Variants in CABLES1 observed in about 807,000 individuals in gnomAD.
CABLES1 encodes the protein Cdk5 and Abl enzyme substrate 1, also known as CDK5 and ABL1 enzyme substrate 1.
CABLES1 carries 36 observed loss-of-function variants against 57.8 expected under a neutral mutation model. The ratio of observed to expected loss-of-function variants is 0.62; its 90% CI spans 0.48 to 0.82. The LOEUF (loss-of-function observed/expected upper bound fraction) is 0.82. CABLES1 is among the 40% of genes least tolerant of loss of function. The probability of loss-of-function intolerance (pLI) is 0.00; values close to 1 mark genes in which losing one functional copy is unlikely to be tolerated. For missense variants in CABLES1, 767 were observed against 836.6 expected, an observed-to-expected ratio of 0.92 and a Z score of 1.03; for synonymous variants, 374 against 363.0, an observed-to-expected ratio of 1.03 and a Z score of -0.35.
intron 3 of CABLES1, among the ~76,000 whole-genome samples, chr18:23,207,279 G>T (rs529522814): frequency 7.2e-5 from 11 of 152,212 alleles, no homozygotes; most frequent in African/African-American, 2.7e-4. Flanking sequence ...TGGTCAAAGC[G>T]TTGTACAGAG....
chr18:23,151,691 T>C (rs1045467023), intron 1 of CABLES1, among the ~76,000 whole-genome samples: 2 of 151,878 alleles, frequency 1.3e-5, no homozygotes, highest in African/African-American at 2.4e-5. Context: ...CTGTGGCAGG[T>C]TGAGGAAGGC....
intron 4 of CABLES1, 30 bp from the exon 5 acceptor site, chr18:23,234,578 A>AC: frequency 6.5e-7 from 1 of 1,535,578 alleles, no homozygotes; most frequent in Middle Eastern, 1.7e-4. Context: ...ACACAAAAGC[A>AC]TTTTTTTTTC....
At chr18:23,222,029 T>A (rs2047491369) in intron 4 of CABLES1, among the ~76,000 whole-genome samples, 1 of 152,192 alleles carries the variant, frequency 6.6e-6, no homozygotes, top group Non-Finnish European at 1.5e-5. Context: ...ACTGCATAGA[T>A]GTCCAAACGG....
chr18:23,195,917 G>T (rs1006545561), intron 3 of CABLES1, among the ~76,000 whole-genome samples: 1 of 152,082 alleles, frequency 6.6e-6, no homozygotes, highest in African/African-American at 2.4e-5. Context: ...TTTTGTTCAT[G>T]ATCTCTTTAA....
Position 23,259,984 on chromosome 18 carries a change from TC to T in CABLES1, c.*2622del, listed in dbSNP as rs5823380. The stretch of plus-strand genomic sequence containing the variant: ...CTAGCCGGTTCTGCCTGATTCCTTT[TC>T]CCCCGGAGCCAGCCTAGGGGGCCCG... On this transcript the variant is annotated 3_prime_UTR_variant, in exon 10 of 10. Transcript: ENST00000256925. The T allele has an allele frequency of 0.42, 63,213 of 151,706 alleles. 13,712 individuals carry two copies. Among genetic ancestry groups the T allele is most frequent in the East Asian group, 0.67 (3,414 of 5,110 alleles). The allele number at this position is 151,706 out of a possible 1,614,324, so 9.4% of individuals were successfully genotyped here.
chr18:23,183,209 G>A (rs936123729), intron 1 of CABLES1, among the ~76,000 whole-genome samples: 1 of 152,194 alleles, frequency 6.6e-6, no homozygotes, highest in Non-Finnish European at 1.5e-5. Context: ...GCCTCTCCCA[G>A]TGCTTTGTCA....
intron 3 of CABLES1, among the ~76,000 whole-genome samples, chr18:23,205,014 G>A (rs966134966): frequency 2.0e-5 from 3 of 152,126 alleles, no homozygotes; most frequent in Admixed American, 1.3e-4. Flanking sequence ...GAGCCCAGAG[G>A]AGACATCAGT....
chr18:23,156,063 C>T, intron 1 of CABLES1: 1 of 1,310,292 alleles, frequency 7.6e-7, no homozygotes, highest in Non-Finnish European at 1.1e-6. Context: ...GAGGCTCAGC[C>T]TGGAAAAGCG....
chr18:23,156,549 T>A (rs1273103819), intron 1 of CABLES1, among the ~76,000 whole-genome samples: 1 of 152,196 alleles, frequency 6.6e-6, no homozygotes, highest in Non-Finnish European at 1.5e-5. Flanking sequence ...CCCCCAGTAG[T>A]TTGTTTTATA....
In CABLES1 at chr18:23,136,166, G is replaced by A. The variant is rs2046818860; in HGVS notation, c.404G>A (p.Gly135Glu). Residue 135 changes from glycine (G) to glutamate (E), a missense_variant, in exon 1 of 10, where the codon GGG becomes GAG. Gly to Glu is a moderately conservative substitution (Grantham distance 98). Coordinates refer to ENST00000256925, the MANE Select transcript of CABLES1 (RefSeq NM_001100619.3). ...PGTPAAGLAA[G>E]SGPCLPQPSS... is the part of the protein sequence containing the mutation. ...ACGCCGGCTGCGGGGTTAGCCGCTG[G>A]GTCCGGCCCCTGCCTCCCACAGCCC... 1.6e-6 allele frequency: 2 copies of A among 1,216,048 alleles called. No homozygotes were observed. The highest frequency in any genetic ancestry group is 2.0e-6 in the Non-Finnish European group (2 of 978,374). 75.3% of individuals were successfully genotyped at this position (1,216,048 alleles called of 1,614,324 possible). A position where few individuals can be genotyped will look rare whatever the true frequency, so the allele number is the denominator to read the frequency against.
At chr18:23,167,980 A>G (rs1020973660) in intron 1 of CABLES1, among the ~76,000 whole-genome samples, 3 of 152,218 alleles carry the variant, frequency 2.0e-5, no homozygotes, top group African/African-American at 7.2e-5. Context: ...ACGGCTCTCA[A>G]GGTGATGCCA....
At chr18:23,146,004 A>G (rs1427896216) in intron 1 of CABLES1, among the ~76,000 whole-genome samples, 1 of 152,256 alleles carries the variant, frequency 6.6e-6, no homozygotes, top group Non-Finnish European at 1.5e-5. Context: ...TGTAAATCTA[A>G]GTTAGGTTTT....
At chr18:23,152,026 G>A (rs1351851898) in intron 1 of CABLES1, among the ~76,000 whole-genome samples, 1 of 152,172 alleles carries the variant, frequency 6.6e-6, no homozygotes, top group South Asian at 2.1e-4. Context: ...AGACTCCGGG[G>A]TTTCAGGCCT....
At chr18:23,234,728 A>ACCC in intron 5 of CABLES1, 24 bp downstream of exon 5, 1 of 1,593,212 alleles carries the variant, frequency 6.3e-7, no homozygotes, top group Non-Finnish European at 8.6e-7. Flanking sequence ...GCTGCCAGTC[A>ACCC]CCAAGTTGTG....
Position 23,136,190 on chromosome 18 carries a change from C to G in CABLES1, c.428C>G (p.Pro143Arg). The G allele has an allele frequency of 2.4e-6, 3 of 1,244,120 alleles. No individual in the cohort carries two copies. The highest frequency in any genetic ancestry group is 3.0e-6 in the Non-Finnish European group (3 of 996,730). 77.1% of individuals were successfully genotyped at this position (1,244,120 alleles called of 1,614,324 possible). The change falls in exon 1 of 10, where the codon CCC (proline) becomes CGC (arginine). Residue 143 changes from proline (P) to arginine (R), a missense_variant. Physicochemically the swap from Pro to Arg is moderately radical, Grantham distance 103 (BLOSUM62 -2). This residue lies in a region of CABLES1 where 529 missense variants were observed against 622.8 expected (regional missense o/e 0.85). Transcript: ENST00000256925. ...GGGTCCGGCCCCTGCCTCCCACAGC[C>G]CTCGTCGCTGCCGCCCTTGATTCCT... is the stretch of plus-strand genomic sequence containing the variant. Reference protein sequence around the residue: ...AAGSGPCLPQPSSLPPLIPGG... With the variant: ...AAGSGPCLPQRSSLPPLIPGG...
At chr18:23,244,320 A>G (rs1305033416) in intron 7 of CABLES1, among the ~76,000 whole-genome samples, 1 of 152,244 alleles carries the variant, frequency 6.6e-6, no homozygotes, top group Non-Finnish European at 1.5e-5. Flanking sequence ...TGAAGCAGAG[A>G]GAGCTTTTCT....
intron 2 of CABLES1, among the ~76,000 whole-genome samples, chr18:23,189,641 A>C (rs1281033562): frequency 6.6e-6 from 1 of 152,242 alleles, no homozygotes. Context: ...GGCAGGCGGC[A>C]GCAGGGAGGG....
At chr18:23,143,435 C>G (rs966138216) in intron 1 of CABLES1, among the ~76,000 whole-genome samples, 1 of 152,250 alleles carries the variant, frequency 6.6e-6, no homozygotes, top group African/African-American at 2.4e-5. Flanking sequence ...GGGTCCTCGT[C>G]TGTGAAATGG....
At chr18:23,246,400 T>G (rs898984005) in intron 7 of CABLES1, among the ~76,000 whole-genome samples, 2 of 148,752 alleles carry the variant, frequency 1.3e-5, no homozygotes, top group Admixed American at 6.7e-5. Context: ...TGTTTTTTGG[T>G]TTTTTTTTTG....
Sources: gnomAD v4.1 joint callset for allele counts (sites outside exome capture counted in the v4.1 genomes callset) on GRCh38, gnomAD v4.1.1 for gene constraint, gnomAD v4.1.1 regional missense constraint, MANE v1.5 for transcripts, NCBI Gene and HGNC (gene_info 2026-07-23, HGNC 2026-07-21) for gene names.